DMD: variants seen among roughly 807,000 people sequenced by gnomAD.
The protein encoded by DMD is mutant dystrophin.
Under a neutral mutation model 330.1 loss-of-function variants are expected in DMD, and 63 were observed. The ratio of observed to expected loss-of-function variants is 0.19; its 90% CI spans 0.16 to 0.24. The LOEUF (loss-of-function observed/expected upper bound fraction) is 0.24. Among genes scored for constraint, DMD ranks in the 10% least tolerant of loss-of-function variants. The probability of loss-of-function intolerance (pLI) is 1.00; values close to 1 mark genes in which losing one functional copy is unlikely to be tolerated. For synonymous variants in DMD, 1,223 were observed against 959.8 expected (o/e 1.27, Z -5.07); for missense variants, 3,344 against 2,684.1 (o/e 1.25, Z -5.43).
chrX:32,664,527 C>T (rs780530644), intron 9 of DMD, among the ~76,000 whole-genome samples: 1 of 111,067 alleles, frequency 9.0e-6, no homozygotes, highest in African/African-American at 3.3e-5. Flanking sequence ...AGGCGTGAGC[C>T]ACCGCATCCG....
At chrX:31,339,636 C>T (rs1450648484) in intron 61 of DMD, among the ~76,000 whole-genome samples, 10 of 111,946 alleles carry the variant, frequency 8.9e-5, no homozygotes, top group Non-Finnish European at 1.5e-4. Flanking sequence ...AGTGCAATGG[C>T]GCAATCTCGG....
Position 31,777,373 on chromosome X carries a change from C to T in DMD, c.7310-3181G>A, listed in dbSNP as rs1183110195. ...CACACACATACATTTTTTTTCCTAT[C>T]GAAGGGAGAAAAGCAGGAAATAGCT... On this transcript the variant is annotated intron_variant, in intron 50 of 78. Transcript: ENST00000357033. Among the ~76,000 whole-genome samples, 3 of 110,887 alleles carry T rather than the reference C, an allele frequency of 2.7e-5. No homozygotes were observed. In the East Asian group the frequency reaches 8.5e-4, roughly 31 times the overall value.
At chrX:33,237,638 T>C (rs903692229) in intron 1 of DMD, among the ~76,000 whole-genome samples, 8 of 112,012 alleles carry the variant, frequency 7.1e-5, no homozygotes, top group African/African-American at 2.6e-4. Flanking sequence ...ATATTTCTCA[T>C]ACATGAAGAT....
intron 3 of DMD, among the ~76,000 whole-genome samples, chrX:32,848,316 C>T (rs1014223418): frequency 8.9e-6 from 1 of 112,032 alleles, no homozygotes; most frequent in Non-Finnish European, 1.9e-5. Flanking sequence ...ACACTGATTT[C>T]TGTACATATG....
intron 1 of DMD, among the ~76,000 whole-genome samples, chrX:33,203,949 C>T (rs2051421127): frequency 9.0e-6 from 1 of 111,520 alleles, no homozygotes; most frequent in African/African-American, 3.3e-5. Flanking sequence ...ATGGAGCACA[C>T]AGCATGCAAT....
At chrX:31,314,052 C>G (rs2055765512) in intron 62 of DMD, among the ~76,000 whole-genome samples, 1 of 111,497 alleles carries the variant, frequency 9.0e-6, no homozygotes, top group Non-Finnish European at 1.9e-5. Flanking sequence ...CCAGGCTGGT[C>G]TTGAACTGCT....
At chrX:32,596,536 C>CTT (rs34125114) in intron 12 of DMD, among the ~76,000 whole-genome samples, 2 of 107,808 alleles carry the variant, frequency 1.9e-5, no homozygotes, top group Admixed American at 1.0e-4. Context: ...CTATGTGCTA[C>CTT]TTTTTTTATT....
intron 11 of DMD, chrX:32,641,692 G>T (rs1227512273): frequency 7.5e-6 from 1 of 133,333 alleles, no homozygotes; most frequent in Non-Finnish European, 1.7e-5. Context: ...GCATAGCTTT[G>T]GATATACTTA....
intron 7 of DMD, among the ~76,000 whole-genome samples, chrX:32,729,545 T>C (rs1412357004): frequency 9.0e-6 from 1 of 111,516 alleles, no homozygotes; most frequent in Non-Finnish European, 1.9e-5. Flanking sequence ...TATGCTTCAA[T>C]GTCTTATCTT....
At chrX:31,573,575 G>A (rs1041296140) in intron 55 of DMD, among the ~76,000 whole-genome samples, 12 of 111,819 alleles carry the variant, frequency 1.1e-4, no homozygotes, top group Non-Finnish European at 2.3e-4. Context: ...GAGAAAATTT[G>A]AATCAGTTAA....
At chrX:31,964,461 ATATTTAATT>A (rs765386870) in intron 45 of DMD, among the ~76,000 whole-genome samples, 17 of 111,889 alleles carry the variant, frequency 1.5e-4, no homozygotes, top group Non-Finnish European at 2.4e-4. Context: ...ATGCAGTATT[ATATTTAATT>A]TGGAGGAGAG....
intron 67 of DMD, among the ~76,000 whole-genome samples, chrX:31,191,500 A>G (rs991586635): frequency 2.7e-5 from 3 of 110,554 alleles, no homozygotes; most frequent in African/African-American, 9.9e-5. Flanking sequence ...GAGGTGATTG[A>G]CTTATGGGGG....
intron 44 of DMD, among the ~76,000 whole-genome samples, chrX:32,191,222 T>G (rs1315300289): frequency 8.9e-6 from 1 of 111,763 alleles, no homozygotes; most frequent in South Asian, 3.7e-4. Context: ...GTGTACCTCT[T>G]GGAATTATTC....
chrX:31,218,363 TGGGGCA>T (rs199744735), intron 64 of DMD, among the ~76,000 whole-genome samples: 2,092 of 109,902 alleles, frequency 0.019, 20 homozygotes, highest in Middle Eastern at 0.033. Context: ...AGCTCTGGGA[TGGGGCA>T]GGGGCAGGGG....
chrX:32,768,892 C>A (rs2073293400), intron 7 of DMD, among the ~76,000 whole-genome samples: 1 of 111,613 alleles, frequency 9.0e-6, no homozygotes, highest in Admixed American at 9.5e-5. Context: ...CTGCATTATC[C>A]TTGTAGACAG....
chrX:31,425,718 A>ACACACACACACACACACACACACAC (rs1569540974), intron 60 of DMD, among the ~76,000 whole-genome samples: 1 of 108,576 alleles, frequency 9.2e-6, no homozygotes, highest in African/African-American at 3.3e-5. Flanking sequence ...ACACGCACAC[A>ACACACACACACACACACACACACAC]ATACAGTTAT....
intron 1 of DMD, among the ~76,000 whole-genome samples, chrX:33,104,417 A>G (rs1457731180): frequency 9.0e-6 from 1 of 111,081 alleles, no homozygotes; most frequent in Non-Finnish European, 1.9e-5. Context: ...AAAAGAAGTG[A>G]AAATGGCCTG....
intron 50 of DMD, among the ~76,000 whole-genome samples, chrX:31,812,755 T>C (rs1349021465): frequency 8.9e-6 from 1 of 111,901 alleles, no homozygotes; most frequent in Non-Finnish European, 1.9e-5. Flanking sequence ...TAGAGACTTA[T>C]TTTTGAATAC....
intron 1 of DMD, among the ~76,000 whole-genome samples, chrX:33,052,886 C>G (rs2094474016): frequency 9.1e-6 from 1 of 110,058 alleles, no homozygotes; most frequent in Admixed American, 9.7e-5. Context: ...GATGTGATAA[C>G]TATGCATTGT....
Sources: gnomAD v4.1 joint callset for allele counts (sites outside exome capture counted in the v4.1 genomes callset) on GRCh38, gnomAD v4.1.1 for gene constraint, MANE v1.5 for transcripts, NCBI Gene and HGNC (gene_info 2026-07-23, HGNC 2026-07-21) for gene names.